Variants in CCDC158 observed in about 807,000 individuals in gnomAD.
The protein encoded by CCDC158 is coiled-coil domain containing 158.
A neutral mutation model predicts 138.6 loss-of-function variants in CCDC158; 116 were observed. That is an observed-to-expected ratio of 0.84 (90% confidence interval 0.72 to 0.98). CCDC158 has a LOEUF of 0.98. CCDC158 is among the 50% of genes least tolerant of loss of function. The pLI, the probability that CCDC158 is intolerant of heterozygous loss-of-function variation, is 0.00. For missense variants in CCDC158, 1,265 were observed against 1,306.1 expected (o/e 0.97, Z 0.48); for synonymous variants, 436 against 442.4 (o/e 0.99, Z 0.18).
In CCDC158 at chr4:76,403,251, G is replaced by T; in HGVS notation, c.-44C>A. 2.2e-6 allele frequency: 3 copies of T among 1,354,016 alleles called. No homozygotes were observed. The highest frequency in any genetic ancestry group is 3.1e-6 in the Non-Finnish European group (3 of 964,950). 83.9% of individuals were successfully genotyped at this position (1,354,016 alleles called of 1,614,324 possible). The stretch of plus-strand genomic sequence containing the variant: ...TTATTAGAGATCTTGAAGTATGAAT[G>T]GTTCCCTCTTTGGTTCTTTTGGTTC... On this transcript the variant is annotated 5_prime_UTR_variant, in exon 3 of 25. Coordinates refer to ENST00000682701, the MANE Select transcript of CCDC158 (RefSeq NM_001394954.1).
chr4:76,344,505 T>G, intron 18 of CCDC158: 3 of 805,242 alleles, frequency 3.7e-6, no homozygotes, highest in Non-Finnish European at 6.7e-6. Flanking sequence ...AGGCTTGTCC[T>G]CCAGCCAGTG....
intron 18 of CCDC158, among the ~76,000 whole-genome samples, chr4:76,349,719 TAAAC>T (rs1375112281): frequency 1.3e-5 from 2 of 152,180 alleles, no homozygotes; most frequent in Non-Finnish European, 2.9e-5. Flanking sequence ...AATTTAAAGT[TAAAC>T]AAGCTAATGA....
intron 24 of CCDC158, among the ~76,000 whole-genome samples, chr4:76,314,603 C>A (rs4859663): frequency 0.31 from 46,909 of 152,134 alleles, 9,232 homozygotes; most frequent in Non-Finnish European, 0.44. Context: ...ACAAATACCC[C>A]CATTGGGGAA....
At chr4:76,323,261 C>T in intron 24 of CCDC158, 41 bp downstream of exon 24, 1 of 1,418,456 alleles carries the variant, frequency 7.0e-7, no homozygotes, top group Non-Finnish European at 9.9e-7. Flanking sequence ...GGTGAACATT[C>T]TCATGAGCGA....
At chr4:76,370,907 T>C (rs140608871) in intron 10 of CCDC158, among the ~76,000 whole-genome samples, 42 of 152,076 alleles carry the variant, frequency 2.8e-4, no homozygotes, top group African/African-American at 9.4e-4. Context: ...AGCCGAGAAA[T>C]TTATTCTGTT....
chr4:76,409,515 A>G (rs1729118229), intron 2 of CCDC158, among the ~76,000 whole-genome samples: 1 of 152,180 alleles, frequency 6.6e-6, no homozygotes, highest in South Asian at 2.1e-4. Context: ...GGTTCACATT[A>G]AAAGGAGCCT....
intron 23 of CCDC158, among the ~76,000 whole-genome samples, chr4:76,323,736 CAGCTTTTCGTACCA>C (rs1424502389): frequency 3.9e-5 from 6 of 152,180 alleles, no homozygotes; most frequent in Admixed American, 3.3e-4. Context: ...TTATAAATGA[CAGCTTTTCGTACCA>C]AGCCTGAGTA....
At chr4:76,372,225 G>A (rs1411855523) in intron 9 of CCDC158, among the ~76,000 whole-genome samples, 4 of 152,190 alleles carry the variant, frequency 2.6e-5, no homozygotes, top group Admixed American at 6.5e-5. Flanking sequence ...GATCCCTTGA[G>A]CCCAGGAGTT....
rs190178749 is a variant in CCDC158, at chr4:76,342,175, G to C, written c.2665-8008C>G. 3.7e-4 allele frequency among the ~76,000 whole-genome samples: 57 copies of C among 152,098 alleles called. 2 individuals are homozygous for C. Among genetic ancestry groups the C allele is most frequent in the Admixed American group, 3.5e-3 (54 of 15,268 alleles). ...CCTTCTGCCTCGGCCTCCTGACTAG[G>C]ACTACAAGCAAATGCCAACATGTCT... On this transcript the variant is annotated intron_variant, in intron 18 of 24. Transcript: ENST00000682701.
In CCDC158 at chr4:76,382,611, G is replaced by C. The variant is rs1250969899; in HGVS notation, c.913C>G (p.Gln305Glu). 2.5e-6 allele frequency: 4 copies of C among 1,583,482 alleles called. No individual in the cohort carries two copies. In the Middle Eastern group the frequency reaches 5.0e-4, roughly 198 times the overall value. The change falls in exon 8 of 25, where the codon CAA becomes GAA. Residue 305 changes from glutamine (Q) to glutamate (E), a missense_variant and splice_region_variant. By Grantham distance (29) the Gln-to-Glu change is conservative. Coordinates refer to ENST00000682701, the MANE Select transcript of CCDC158 (RefSeq NM_001394954.1). ...NSIQSQMEII[Q>E]EQARNQNSMY... Reference sequence around the variant, plus strand: ...GACTAACAGTTTCAAACCACATACTGAATGATTTCCATTTGACTCTGGATA... The same window carrying C: ...GACTAACAGTTTCAAACCACATACTCAATGATTTCCATTTGACTCTGGATA...
chr4:76,323,483 G>A (rs1720234790), intron 23 of CCDC158, 74 bp from the exon 24 acceptor site: 10 of 1,166,020 alleles, frequency 8.6e-6, no homozygotes, highest in South Asian at 1.6e-5. Flanking sequence ...TGAATTAAAG[G>A]CTAAACAATT....
chr4:76,409,309 G>A (rs1303234080), intron 2 of CCDC158, among the ~76,000 whole-genome samples: 1 of 151,304 alleles, frequency 6.6e-6, no homozygotes, highest in South Asian at 2.1e-4. Context: ...TCTAGAAAAA[G>A]CAAGGTTTTT....
At chr4:76,381,535 T>C (rs529389016) in intron 8 of CCDC158, among the ~76,000 whole-genome samples, 4 of 152,348 alleles carry the variant, frequency 2.6e-5, no homozygotes, top group Non-Finnish European at 4.4e-5. Flanking sequence ...TGTAACCCAG[T>C]TGTATCTTGG....
intron 2 of CCDC158, among the ~76,000 whole-genome samples, chr4:76,410,492 T>A (rs1729211989): frequency 6.6e-6 from 1 of 152,204 alleles, no homozygotes; most frequent in Non-Finnish European, 1.5e-5. Context: ...GCCCAAGTTC[T>A]ATTTTGATTG....
At chr4:76,385,088 A>G (rs563215974) in intron 4 of CCDC158, among the ~76,000 whole-genome samples, 1 of 152,186 alleles carries the variant, frequency 6.6e-6, no homozygotes, top group Non-Finnish European at 1.5e-5. Flanking sequence ...GAAATACACA[A>G]AGATTTCTAA....
intron 18 of CCDC158, chr4:76,344,552 G>A (rs1011156488): frequency 2.7e-5 from 28 of 1,021,074 alleles, no homozygotes; most frequent in Non-Finnish European, 4.2e-5. Flanking sequence ...ATGAATAGCT[G>A]ACATCTGTAT....
rs374874042 is a variant in CCDC158, at chr4:76,351,026, A to C, written c.2634T>G (p.Ser878=). The C allele has an allele frequency of 2.2e-4, 361 of 1,613,858 alleles. No individual in the cohort carries two copies. Among genetic ancestry groups the C allele is most frequent in the Non-Finnish European group, 2.9e-4 (342 of 1,179,902 alleles). ...SVTRSHSNVP[S]SQSTASFLSH... is the part of the protein sequence containing the mutation. The stretch of plus-strand genomic sequence containing the variant: ...ACAGGAAGCTGGCTGTAGACTGCGA[A>C]GATGGTACATTAGAATGAGAACGAG... Residue 878 remains serine, a synonymous_variant, in exon 18 of 25, where the codon TCT becomes TCG. Coordinates refer to ENST00000682701, the MANE Select transcript of CCDC158 (RefSeq NM_001394954.1).
Position 76,371,535 on chromosome 4 carries a change from G to A in CCDC158, c.1031C>T (p.Thr344Ile). Reference protein sequence around the residue: ...REAKRMYEDKTEELEKQLVLA... With the variant: ...REAKRMYEDKIEELEKQLVLA... ...GACTAACTGCTTTTCCAGCTCTTCT[G>A]TCTGAAAGGAAAGTACAAATTGAAC... The change falls in exon 10 of 25, where the codon ACA becomes ATA. Residue 344 changes from threonine to isoleucine, a missense_variant and splice_region_variant. Transcript: ENST00000682701. 5 of 1,614,062 alleles carry A rather than the reference G, an allele frequency of 3.1e-6. No individual in the cohort carries two copies. Among genetic ancestry groups the A allele is most frequent in the Non-Finnish European group, 4.2e-6 (5 of 1,179,952 alleles).
chr4:76,324,345 G>A (rs1255527917), intron 23 of CCDC158, among the ~76,000 whole-genome samples: 3 of 151,818 alleles, frequency 2.0e-5, no homozygotes, highest in East Asian at 1.9e-4. Context: ...GTGCCACCAC[G>A]CCCGGCTAAT....
Sources: gnomAD v4.1 joint callset for allele counts (sites outside exome capture counted in the v4.1 genomes callset) on GRCh38, gnomAD v4.1.1 for gene constraint, MANE v1.5 for transcripts, NCBI Gene and HGNC (gene_info 2026-07-23, HGNC 2026-07-21) for gene names.